The following CCSER1 variants were observed in gnomAD, a reference collection of about 807,000 sequenced individuals.
The protein encoded by CCSER1 is coiled-coil serine rich protein 1, also known as serine-rich coiled-coil domain-containing protein 1.
In CCSER1, 41 loss-of-function variants were observed where a neutral mutation model predicts 82.0. The ratio of observed to expected loss-of-function variants is 0.50; its 90% CI spans 0.39 to 0.65. The LOEUF (loss-of-function observed/expected upper bound fraction) is 0.65. Among genes scored for constraint, CCSER1 ranks in the 30% least tolerant of loss-of-function variants. The pLI, the probability that CCSER1 is intolerant of heterozygous loss-of-function variation, is 0.00. For synonymous variants in CCSER1, 414 were observed against 383.9 expected (o/e 1.08, Z -0.92); for missense variants, 1,119 against 1,064.2 (o/e 1.05, Z -0.72).
At chr4:91,450,772 T>TA (rs1323295689) in intron 10 of CCSER1, among the ~76,000 whole-genome samples, 2 of 151,990 alleles carry the variant, frequency 1.3e-5, no homozygotes, top group Non-Finnish European at 2.9e-5. Flanking sequence ...AGTTCGGTAC[T>TA]AATCAGCATT....
intron 10 of CCSER1, among the ~76,000 whole-genome samples, chr4:91,339,526 T>C (rs989404749): frequency 6.6e-6 from 1 of 152,186 alleles, no homozygotes; most frequent in Non-Finnish European, 1.5e-5. Flanking sequence ...TCTTCATACT[T>C]GTAGCTTTGC....
At chr4:90,749,448 G>A (rs1748171435) in intron 7 of CCSER1, among the ~76,000 whole-genome samples, 1 of 151,776 alleles carries the variant, frequency 6.6e-6, no homozygotes, top group Non-Finnish European at 1.5e-5. Flanking sequence ...TAGCCTTGTA[G>A]TATAGTCTGA....
chr4:91,586,621 T>G (rs1027989311), intron 10 of CCSER1, among the ~76,000 whole-genome samples: 1 of 151,612 alleles, frequency 6.6e-6, no homozygotes, highest in Non-Finnish European at 1.5e-5. Flanking sequence ...AACTTAGAGA[T>G]TTTCAAGAGC....
chr4:91,339,426 T>C (rs1289124814), intron 10 of CCSER1, among the ~76,000 whole-genome samples: 1 of 152,190 alleles, frequency 6.6e-6, no homozygotes, highest in African/African-American at 2.4e-5. Context: ...AAAAACCCTA[T>C]AGTTACTTTA....
At chr4:90,888,601 A>G (rs1428638396) in intron 8 of CCSER1, among the ~76,000 whole-genome samples, 1 of 152,188 alleles carries the variant, frequency 6.6e-6, no homozygotes. Flanking sequence ...CAGTATTTTA[A>G]CTAATTAAAT....
intron 7 of CCSER1, among the ~76,000 whole-genome samples, chr4:90,811,967 C>CACATATATATATATATATATATAA (rs1758377387): frequency 1.3e-5 from 1 of 77,544 alleles, no homozygotes; most frequent in Admixed American, 1.3e-4. Context: ...CATATATATA[C>CACATATATATATATATATATATAA]ACATATATAT....
intron 6 of CCSER1, chr4:90,642,257 T>TA (rs984803355): frequency 7.7e-5 from 12 of 155,478 alleles, no homozygotes; most frequent in Non-Finnish European, 1.4e-5. Context: ...TAACTACAGT[T>TA]AAAATAGCTG....
At chr4:90,670,715 T>A (rs2149144527) in intron 6 of CCSER1, among the ~76,000 whole-genome samples, 1 of 152,156 alleles carries the variant, frequency 6.6e-6, no homozygotes, top group South Asian at 2.1e-4. Flanking sequence ...CATATTTAAT[T>A]TAATTTCACA....
chr4:90,723,203 A>G (rs1742992219), intron 6 of CCSER1, among the ~76,000 whole-genome samples: 2 of 151,984 alleles, frequency 1.3e-5, no homozygotes. Flanking sequence ...TAGAAAAGTA[A>G]ATTAATGATG....
At chr4:90,923,835 G>A (rs1333445214) in intron 9 of CCSER1, among the ~76,000 whole-genome samples, 1 of 152,148 alleles carries the variant, frequency 6.6e-6, no homozygotes, top group Non-Finnish European at 1.5e-5. Context: ...ATTTTTATAT[G>A]CAGACACTTA....
At chr4:90,659,882 A>ATT (rs1372202132) in intron 6 of CCSER1, among the ~76,000 whole-genome samples, 4 of 151,916 alleles carry the variant, frequency 2.6e-5, no homozygotes, top group African/African-American at 9.7e-5. Context: ...AATGATGAAC[A>ATT]TTTTTTCATA....
chr4:90,960,306 C>T (rs1428401746), intron 9 of CCSER1, among the ~76,000 whole-genome samples: 1 of 152,110 alleles, frequency 6.6e-6, no homozygotes, highest in Non-Finnish European at 1.5e-5. Context: ...ACATTATACT[C>T]ACTAGAAAAA....
chr4:91,071,563 G>A (rs373231136), intron 9 of CCSER1, among the ~76,000 whole-genome samples: 2 of 152,150 alleles, frequency 1.3e-5, no homozygotes, highest in Non-Finnish European at 2.9e-5. Flanking sequence ...GGTGTATAGA[G>A]AGATGGGGAC....
chr4:90,192,873 A>C (rs1334820747), intron 1 of CCSER1, among the ~76,000 whole-genome samples: 3 of 152,092 alleles, frequency 2.0e-5, no homozygotes, highest in Non-Finnish European at 4.4e-5. Flanking sequence ...CTTGTGTCAC[A>C]AAAGTATGTA....
intron 10 of CCSER1, among the ~76,000 whole-genome samples, chr4:91,565,250 C>T (rs1405324575): frequency 6.6e-6 from 1 of 151,814 alleles, no homozygotes; most frequent in Non-Finnish European, 1.5e-5. Flanking sequence ...TTCTGCTCCA[C>T]TGGTCTATGT....
At chr4:90,349,324 T>C (rs1743007995) in intron 3 of CCSER1, among the ~76,000 whole-genome samples, 1 of 152,184 alleles carries the variant, frequency 6.6e-6, no homozygotes, top group African/African-American at 2.4e-5. Context: ...CCTTGCATTT[T>C]AGATTTCTAA....
chr4:90,391,778 C>A (rs1751198127), intron 3 of CCSER1, among the ~76,000 whole-genome samples: 1 of 151,412 alleles, frequency 6.6e-6, no homozygotes, highest in Non-Finnish European at 1.5e-5. Context: ...TCCTCTAGTA[C>A]ACAAAGAAGA....
At chr4:90,777,354 CAA>C (rs60638334) in intron 7 of CCSER1, among the ~76,000 whole-genome samples, 1 of 58,534 alleles carries the variant, frequency 1.7e-5, no homozygotes, top group Non-Finnish European at 3.1e-5. Context: ...GACTCCATCT[CAA>C]AAAAAAAAAA....
At chr4:91,554,173 C>T (rs1762299235) in intron 10 of CCSER1, among the ~76,000 whole-genome samples, 1 of 148,140 alleles carries the variant, frequency 6.8e-6, no homozygotes, top group African/African-American at 2.5e-5. Context: ...GTTTAATTTC[C>T]ACACATTTGT....
Sources: gnomAD v4.1 joint callset for allele counts (sites outside exome capture counted in the v4.1 genomes callset) on GRCh38, gnomAD v4.1.1 for gene constraint, MANE v1.5 for transcripts, NCBI Gene and HGNC (gene_info 2026-07-23, HGNC 2026-07-21) for gene names.